Variants in L3MBTL3 observed in about 807,000 individuals in gnomAD.
L3MBTL3 encodes lethal(3)malignant brain tumor-like protein 3.
L3MBTL3 carries 27 observed loss-of-function variants against 102.3 expected under a neutral mutation model. That is an observed-to-expected ratio of 0.26 (90% CI 0.19 to 0.36). The LOEUF (loss-of-function observed/expected upper bound fraction) is 0.36, where lower values mean the gene tolerates loss of function less well. L3MBTL3 is among the 10% of genes least tolerant of loss of function. L3MBTL3 has a pLI of 1.00. For synonymous variants in L3MBTL3, 340 were observed against 320.9 expected, an observed-to-expected ratio of 1.06 and a Z score of -0.64; for missense variants, 798 against 955.3, an observed-to-expected ratio of 0.84 and a Z score of 2.17.
chr6:130,060,787 T>C (rs1781841386), intron 10 of L3MBTL3, among the ~76,000 whole-genome samples: 1 of 152,102 alleles, frequency 6.6e-6, no homozygotes, highest in African/African-American at 2.4e-5. Context: ...CATATATTAC[T>C]GAGAGTACTT....
chr6:130,052,799 C>T, intron 6 of L3MBTL3, 60 bp from the exon 7 acceptor site: 2 of 1,525,960 alleles, frequency 1.3e-6, no homozygotes, highest in East Asian at 2.3e-5. Flanking sequence ...TGATAATCAA[C>T]AAGTAGATGT....
In L3MBTL3 at chr6:130,055,194, C is replaced by A; in HGVS notation, c.606C>A (p.Ile202=). Residue 202 remains isoleucine (I), a synonymous_variant, in exon 8 of 23, where the codon ATC becomes ATA. Transcript: ENST00000361794. ...AGGAGAACAAACAAGATGTAAGAATCCTGAGGGGTTCGCAGAGAGCACGGA... is the reference window on the plus strand; with the variant it reads ...AGGAGAACAAACAAGATGTAAGAATACTGAGGGGTTCGCAGAGAGCACGGA... ...DEMENKQDVR[I]LRGSQRARRK... 6.2e-7 allele frequency: 1 copy of A among 1,613,778 alleles called. No homozygotes were observed. The highest frequency in any genetic ancestry group is 8.5e-7 in the Non-Finnish European group (1 of 1,179,768).
chr6:130,059,874 G>A (rs963347330), intron 9 of L3MBTL3, among the ~76,000 whole-genome samples, 162 bp from the exon 10 acceptor site: 1 of 151,886 alleles, frequency 6.6e-6, no homozygotes, highest in Non-Finnish European at 1.5e-5. Flanking sequence ...TTGTAGCCTT[G>A]GTCCATTTTT....
chr6:130,023,273 C>T (rs1779127106), intron 2 of L3MBTL3, among the ~76,000 whole-genome samples: 1 of 152,114 alleles, frequency 6.6e-6, no homozygotes, highest in Non-Finnish European at 1.5e-5. Flanking sequence ...AAATGATTAA[C>T]AGGAGTTTAT....
chr6:130,054,332 C>T (rs1301695277), intron 7 of L3MBTL3, among the ~76,000 whole-genome samples: 3 of 152,100 alleles, frequency 2.0e-5, no homozygotes, highest in African/African-American at 4.8e-5. Context: ...TCATTGTATT[C>T]TGAGTGTCAG....
chr6:130,084,898 C>T (rs1485430640), intron 15 of L3MBTL3, among the ~76,000 whole-genome samples: 3 of 152,100 alleles, frequency 2.0e-5, no homozygotes, highest in Non-Finnish European at 2.9e-5. Flanking sequence ...GCCATGATCT[C>T]GTCTCACTAC....
At chr6:130,110,304 C>A (rs1345816622) in intron 19 of L3MBTL3, among the ~76,000 whole-genome samples, 1 of 152,152 alleles carries the variant, frequency 6.6e-6, no homozygotes, top group Non-Finnish European at 1.5e-5. Flanking sequence ...TGGCCATTTT[C>A]ACGATATTGT....
At chr6:130,136,763 G>A (rs1787727613) in intron 22 of L3MBTL3, among the ~76,000 whole-genome samples, 1 of 151,952 alleles carries the variant, frequency 6.6e-6, no homozygotes, top group African/African-American at 2.4e-5. Flanking sequence ...GACTGCAGGT[G>A]CGTGCCACCA....
intron 20 of L3MBTL3, among the ~76,000 whole-genome samples, chr6:130,121,531 G>A (rs147167504): frequency 1.1e-4 from 17 of 151,918 alleles, no homozygotes; most frequent in Admixed American, 3.3e-4. Flanking sequence ...ATTCATTTAT[G>A]GTCTGTATTA....
At chr6:130,047,361 A>T (rs904600436) in intron 3 of L3MBTL3, among the ~76,000 whole-genome samples, 1 of 152,186 alleles carries the variant, frequency 6.6e-6, no homozygotes, top group African/African-American at 2.4e-5. Context: ...TGAAGGTTGC[A>T]TCGTGGGAAT....
Position 130,062,325 on chromosome 6 carries a change from A to T in L3MBTL3, c.864+2185A>T, listed in dbSNP as rs533855343. 2.0e-5 allele frequency among the ~76,000 whole-genome samples: 3 copies of T among 152,006 alleles called. No individual in the cohort carries two copies. The South Asian group carries it at 6.3e-4, about 32-fold the overall frequency. ...TGCCTTCCAGATGTTTTCTCTGTGT[A>T]TAAAAATATGTACTGCATTTTGTTT... On this transcript the variant is annotated intron_variant, in intron 10 of 22. Transcript: ENST00000361794.
At chr6:130,100,363 T>A (rs555229378) in intron 18 of L3MBTL3, among the ~76,000 whole-genome samples, 1 of 152,246 alleles carries the variant, frequency 6.6e-6, no homozygotes, top group South Asian at 2.1e-4. Flanking sequence ...TCACCTGAGC[T>A]CCTTTTGCAT....
At chr6:130,058,722 C>T (rs977162353) in intron 9 of L3MBTL3, among the ~76,000 whole-genome samples, 1 of 152,212 alleles carries the variant, frequency 6.6e-6, no homozygotes, top group Non-Finnish European at 1.5e-5. Context: ...AGCACAAAAG[C>T]AGCCATAGAG....
chr6:130,044,247 T>C lies in L3MBTL3; in HGVS notation c.102+1446T>C, dbSNP rs527786813. ...GGACATTAGAATCTATGTGATAAGG[T>C]GGTTTTGAGGATTGAAAAAAATAAT... On this transcript the variant is annotated intron_variant, in intron 3 of 22. Transcript: ENST00000361794. Among the ~76,000 whole-genome samples the C allele has an allele frequency of 2.0e-5, 3 of 152,284 alleles. No individual in the cohort carries two copies. The South Asian group carries it at 6.2e-4, about 32-fold the overall frequency.
intron 20 of L3MBTL3, among the ~76,000 whole-genome samples, chr6:130,126,989 G>C (rs992636134): frequency 6.6e-6 from 1 of 152,174 alleles, no homozygotes. Context: ...CAGGAGAAAT[G>C]AATGAGCCCA....
intron 19 of L3MBTL3, among the ~76,000 whole-genome samples, chr6:130,119,582 A>G (rs1251026562): frequency 6.6e-6 from 1 of 152,164 alleles, no homozygotes; most frequent in Non-Finnish European, 1.5e-5. Context: ...CTGTGGAATA[A>G]GAGACCCTGT....
intron 20 of L3MBTL3, among the ~76,000 whole-genome samples, chr6:130,129,972 C>G (rs1786895103): frequency 6.6e-6 from 1 of 152,102 alleles, no homozygotes; most frequent in South Asian, 2.1e-4. Flanking sequence ...TTCTTTATTC[C>G]TTTTGGATTA....
chr6:130,037,882 T>C (rs181622699), intron 2 of L3MBTL3, among the ~76,000 whole-genome samples: 139 of 152,310 alleles, frequency 9.1e-4, no homozygotes, highest in African/African-American at 3.1e-3. Flanking sequence ...TTACTTCTCT[T>C]ATGTAACTGT....
chr6:130,075,077 AC>A (rs1782864802), intron 13 of L3MBTL3, among the ~76,000 whole-genome samples: 1 of 152,130 alleles, frequency 6.6e-6, no homozygotes, highest in South Asian at 2.1e-4. Context: ...TTTGGGAAGC[AC>A]TGGTTGGTGG....
Sources: allele counts gnomAD v4.1 joint callset (sites outside exome capture counted in the v4.1 genomes callset), GRCh38; gene constraint gnomAD v4.1.1; transcripts MANE v1.5; gene names NCBI Gene and HGNC (gene_info 2026-07-23, HGNC 2026-07-21).